GABRB1: variants seen among roughly 807,000 people sequenced by gnomAD.
GABRB1 encodes the protein gamma-aminobutyric acid receptor subunit beta-1.
GABRB1 carries 17 observed loss-of-function variants against 51.6 expected under a neutral mutation model. The ratio of observed to expected loss-of-function variants is 0.33; its 90% CI spans 0.23 to 0.49. GABRB1 has a LOEUF of 0.49. Among genes scored for constraint, GABRB1 ranks in the 20% least tolerant of loss-of-function variants. GABRB1 has a pLI of 0.99. For missense variants in GABRB1, 410 were observed against 600.6 expected, an observed-to-expected ratio of 0.68 and a Z score of 3.32; for synonymous variants, 247 against 218.9, an observed-to-expected ratio of 1.13 and a Z score of -1.14.
chr4:47,320,041 G>T, intron 4 of GABRB1, 86 bp from the exon 5 acceptor site: 1 of 923,036 alleles, frequency 1.1e-6, no homozygotes, highest in Non-Finnish European at 1.8e-6. Flanking sequence ...CTGCCAACTG[G>T]TAAACATGAT....
chr4:47,405,504 A>T (rs993997253), intron 7 of GABRB1, among the ~76,000 whole-genome samples: 19 of 152,084 alleles, frequency 1.2e-4, no homozygotes, highest in African/African-American at 4.3e-4. Flanking sequence ...CTTATTTTAA[A>T]TGCTATTGTG....
intron 3 of GABRB1, among the ~76,000 whole-genome samples, chr4:47,036,740 T>C (rs1265895462): frequency 6.6e-6 from 1 of 152,044 alleles, no homozygotes; most frequent in Non-Finnish European, 1.5e-5. Flanking sequence ...TGCGTGCCTA[T>C]AGTTCCAGCT....
intron 4 of GABRB1, among the ~76,000 whole-genome samples, chr4:47,260,094 T>C (rs557199416): frequency 8.8e-4 from 134 of 152,322 alleles, no homozygotes; most frequent in African/African-American, 3.2e-3. Context: ...CTTCTTTGTC[T>C]CTTTTGATCT....
At chr4:47,022,540 T>C (rs1724955550) in intron 1 of GABRB1, among the ~76,000 whole-genome samples, 1 of 152,062 alleles carries the variant, frequency 6.6e-6, no homozygotes, top group Admixed American at 6.6e-5. Flanking sequence ...AGAATATGAC[T>C]AATTAATGCT....
chr4:47,019,811 T>C (rs1724871134), intron 1 of GABRB1, among the ~76,000 whole-genome samples: 1 of 149,630 alleles, frequency 6.7e-6, no homozygotes, highest in Non-Finnish European at 1.5e-5. Context: ...GCTCAAGCAA[T>C]CCTCCCACCT....
At chr4:47,012,483 A>G (rs1165435966) in intron 1 of GABRB1, among the ~76,000 whole-genome samples, 2 of 152,154 alleles carry the variant, frequency 1.3e-5, no homozygotes, top group African/African-American at 4.8e-5. Context: ...TTTGCTAAGG[A>G]TAATGGTCTC....
At chr4:47,283,213 G>A (rs547399153) in intron 4 of GABRB1, among the ~76,000 whole-genome samples, 1 of 152,152 alleles carries the variant, frequency 6.6e-6, no homozygotes, top group South Asian at 2.1e-4. Context: ...GCATTGGTGA[G>A]CTGGATAGGA....
At chr4:47,093,122 A>G (rs1714191072) in intron 3 of GABRB1, among the ~76,000 whole-genome samples, 1 of 152,200 alleles carries the variant, frequency 6.6e-6, no homozygotes, top group Non-Finnish European at 1.5e-5. Context: ...AAATTTCCCT[A>G]AAAGATTCAT....
At chr4:47,012,419 G>T (rs1170767796) in intron 1 of GABRB1, among the ~76,000 whole-genome samples, 1 of 151,966 alleles carries the variant, frequency 6.6e-6, no homozygotes, top group African/African-American at 2.4e-5. Context: ...TCATCATTTA[G>T]CTCTCACTTA....
chr4:47,269,982 A>G, intron 4 of GABRB1, among the ~76,000 whole-genome samples: 1 of 151,252 alleles, frequency 6.6e-6, no homozygotes, highest in Non-Finnish European at 1.5e-5. Flanking sequence ...ACACAGGCTG[A>G]GTCTGATGAC....
At position 47,032,405 on chromosome 4, in the gene GABRB1, C is replaced by T. The variant is rs916531837; in HGVS notation, c.173-12C>T. ...GAGAATCTGTTCCTAATGTGGCCCA[C>T]CTCCCCGGCAGGGCCCCCCGTCGAC... On this transcript the variant is annotated splice_polypyrimidine_tract_variant and intron_variant, in intron 2 of 8. Coordinates refer to ENST00000295454, the MANE Select transcript of GABRB1 (RefSeq NM_000812.4). 1 of 1,575,206 alleles carries T rather than the reference C, an allele frequency of 6.3e-7. No individual in the cohort carries two copies. Among genetic ancestry groups the T allele is most frequent in the African/African-American group, 1.3e-5 (1 of 74,330 alleles).
intron 4 of GABRB1, among the ~76,000 whole-genome samples, chr4:47,304,641 A>G (rs1419058308): frequency 6.6e-6 from 1 of 152,016 alleles, no homozygotes; most frequent in Non-Finnish European, 1.5e-5. Context: ...TTTCCAGTTT[A>G]CAATGTTACA....
At chr4:47,251,892 G>A (rs1203359371) in intron 4 of GABRB1, among the ~76,000 whole-genome samples, 1 of 152,182 alleles carries the variant, frequency 6.6e-6, no homozygotes, top group Non-Finnish European at 1.5e-5. Context: ...CCAGACTTGA[G>A]AACTTGCCCC....
Position 47,031,925 on chromosome 4 carries a change from C to A in GABRB1, c.92C>A (p.Pro31His). The A allele has an allele frequency of 6.2e-7, 1 of 1,613,794 alleles. No homozygotes were observed. The highest frequency in any genetic ancestry group is 8.5e-7 in the Non-Finnish European group (1 of 1,179,868). The change falls in exon 2 of 9, where the codon CCC becomes CAC. Residue 31 changes from proline to histidine, a missense_variant. By Grantham distance (77) the Pro-to-His change is moderately conservative (BLOSUM62 -2). Coordinates refer to ENST00000295454, the MANE Select transcript of GABRB1 (RefSeq NM_000812.4). ...MVCCAHSTNE[P>H]SNMSYVKETV... ...CTTCTTCCCCTTAGCACCAATGAAC[C>A]CAGCAACATGTCATACGTGAAAGAG...
intron 4 of GABRB1, among the ~76,000 whole-genome samples, chr4:47,319,599 T>C (rs140528766): frequency 1.3e-5 from 2 of 152,336 alleles, no homozygotes; most frequent in South Asian, 2.1e-4. Flanking sequence ...TAGTATTTTA[T>C]TGAGAATGTT....
intron 4 of GABRB1, among the ~76,000 whole-genome samples, chr4:47,166,612 T>C (rs1718198401): frequency 6.6e-6 from 1 of 152,146 alleles, no homozygotes; most frequent in Admixed American, 6.6e-5. Flanking sequence ...GTTATCAGTA[T>C]GTTATTAATA....
chr4:47,032,097 G>A (rs1725332359), intron 2 of GABRB1, 92 bp downstream of exon 2: 4 of 782,072 alleles, frequency 5.1e-6, no homozygotes, highest in Non-Finnish European at 8.2e-6. Context: ...GAAAAGGCAT[G>A]TCATTTTCGT....
intron 4 of GABRB1, among the ~76,000 whole-genome samples, chr4:47,170,702 A>G (rs1718402518): frequency 6.6e-6 from 1 of 152,164 alleles, no homozygotes; most frequent in Admixed American, 6.6e-5. Flanking sequence ...GTTATTGACA[A>G]ATGCATCTTG....
chr4:47,321,552 T>C (rs1725087451), intron 5 of GABRB1, among the ~76,000 whole-genome samples: 1 of 150,034 alleles, frequency 6.7e-6, no homozygotes, highest in Non-Finnish European at 1.5e-5. Flanking sequence ...TGATGGTAAC[T>C]TTTGGTTCAG....
Sources: gnomAD v4.1 joint callset for allele counts (sites outside exome capture counted in the v4.1 genomes callset) on GRCh38, gnomAD v4.1.1 for gene constraint, MANE v1.5 for transcripts, NCBI Gene and HGNC (gene_info 2026-07-23, HGNC 2026-07-21) for gene names.